FOXK2: variants seen among roughly 807,000 people sequenced by gnomAD.
FOXK2 encodes forkhead box K2, also known as forkhead box protein K2.
FOXK2 carries 24 observed loss-of-function variants against 53.3 expected under a neutral mutation model. The ratio of observed to expected loss-of-function variants is 0.45; its 90% CI spans 0.33 to 0.63. The LOEUF is 0.63. FOXK2 is among the 30% of genes least tolerant of loss of function. FOXK2 has a pLI of 0.03. For missense variants in FOXK2, 952 were observed against 910.5 expected, an observed-to-expected ratio of 1.05 and a Z score of -0.59; for synonymous variants, 505 against 407.1, an observed-to-expected ratio of 1.24 and a Z score of -2.89.
intron 1 of FOXK2, among the ~76,000 whole-genome samples, chr17:82,551,627 G>C (rs557948711): frequency 6.6e-6 from 1 of 152,282 alleles, no homozygotes; most frequent in African/African-American, 2.4e-5. Context: ...GTTGCAATGA[G>C]CTGAGATCAC....
chr17:82,577,537 C>G, intron 4 of FOXK2: 1 of 224,258 alleles, frequency 4.5e-6, no homozygotes, highest in Non-Finnish European at 8.8e-6. Flanking sequence ...CAGGCCCAGC[C>G]CTGGGTTAGG....
chr17:82,578,954 C>T lies in FOXK2; in HGVS notation c.910-3787C>T, dbSNP rs566401037. On this transcript the variant is annotated intron_variant, in intron 4 of 8. Coordinates refer to ENST00000335255, the MANE Select transcript of FOXK2 (RefSeq NM_004514.4). ...AACCTTCTTTCCTCCTAAGAGCATG[C>T]AAATTAAATGACTCCACATCAGTCA... Among the ~76,000 whole-genome samples, 6 of 152,278 alleles carry T rather than the reference C, an allele frequency of 3.9e-5. No homozygotes were observed. In the South Asian group the frequency reaches 1.0e-3, roughly 26 times the overall value.
intron 1 of FOXK2, among the ~76,000 whole-genome samples, chr17:82,540,295 A>G (rs1281028168): frequency 6.7e-6 from 1 of 148,894 alleles, no homozygotes. Flanking sequence ...AAAAAAAAAG[A>G]GTTACCTTTC....
intron 1 of FOXK2, among the ~76,000 whole-genome samples, chr17:82,525,792 T>C (rs1366636023): frequency 1.3e-5 from 2 of 152,222 alleles, no homozygotes; most frequent in African/African-American, 4.8e-5. Context: ...AAAACTCTGT[T>C]TATTTAGAAG....
intron 1 of FOXK2, among the ~76,000 whole-genome samples, chr17:82,533,097 C>T (rs559118612): frequency 6.6e-6 from 1 of 152,278 alleles, no homozygotes; most frequent in South Asian, 2.1e-4. Context: ...CCGGTGATAA[C>T]GGCTTCTTCT....
Position 82,586,143 on chromosome 17 carries a change from G to T in FOXK2, c.1519G>T (p.Val507Leu), listed in dbSNP as rs769451089. ...SGQAVVTPAA[V>L]LAPPKAEAQE... is the part of the protein sequence containing the mutation. ...ACAAGCTGTGGTCACCCCGGCAGCC[G>T]TGCTGGCCCCTCCTAAGGCAGAGGC... Residue 507 changes from valine to leucine, a missense_variant, in exon 7 of 9, where the codon GTG becomes TTG. By Grantham distance (32) the Val-to-Leu change is conservative (BLOSUM62 1). Transcript: ENST00000335255. 2.5e-6 allele frequency: 4 copies of T among 1,612,398 alleles called. No individual in the cohort carries two copies. The highest frequency in any genetic ancestry group is 3.4e-6 in the Non-Finnish European group (4 of 1,179,902).
intron 1 of FOXK2, among the ~76,000 whole-genome samples, chr17:82,547,677 A>G (rs1018888840): frequency 6.6e-6 from 1 of 152,164 alleles, no homozygotes; most frequent in Non-Finnish European, 1.5e-5. Context: ...TACCTTTCAA[A>G]GAGTTTTGAC....
Position 82,586,260 on chromosome 17 carries a change from G to T in FOXK2, c.1576+60G>T. Reference sequence around the variant, plus strand: ...CAGGGAGGTGAAAGGTGGGCCGGGGGGGGAAAGGAGGAGAGGGGAGACCAC... The same window carrying T: ...CAGGGAGGTGAAAGGTGGGCCGGGGTGGGAAAGGAGGAGAGGGGAGACCAC... On this transcript the variant is annotated intron_variant, in intron 7 of 8. Transcript: ENST00000335255. 4 of 545,936 alleles carry T rather than the reference G, an allele frequency of 7.3e-6. 1 individual carries two copies. Among genetic ancestry groups the T allele is most frequent in the Non-Finnish European group, 1.3e-5 (4 of 314,192 alleles). The allele number at this position is 545,936 out of a possible 1,614,324, so 33.8% of individuals were successfully genotyped here.
intron 1 of FOXK2, chr17:82,559,525 C>T (rs969814835): frequency 3.9e-5 from 18 of 455,916 alleles, no homozygotes; most frequent in East Asian, 6.9e-5. Flanking sequence ...CCACGTGGGA[C>T]GGGCTGCTCA....
chr17:82,568,112 G>A lies in FOXK2; in HGVS notation c.673G>A (p.Gly225Ser). ...RGAGSSGYKV[G>S]RVMPSDLNLM... is the part of the protein sequence containing the mutation. Reference sequence around the variant, plus strand: ...AGCGGGGTCTTCAGGGTACAAGGTGGGCCGAGTGATGCCATCTGACCTCAA... The same window carrying A: ...AGCGGGGTCTTCAGGGTACAAGGTGAGCCGAGTGATGCCATCTGACCTCAA... The change falls in exon 3 of 9, where the codon GGC becomes AGC. Residue 225 changes from glycine (G) to serine (S), a missense_variant. Gly to Ser is a moderately conservative substitution (Grantham distance 56). Transcript: ENST00000335255. 2 of 1,613,976 alleles carry A rather than the reference G, an allele frequency of 1.2e-6. No individual in the cohort carries two copies. Among genetic ancestry groups the A allele is most frequent in the Non-Finnish European group, 1.7e-6 (2 of 1,179,998 alleles).
intron 1 of FOXK2, among the ~76,000 whole-genome samples, chr17:82,533,204 G>A (rs1435581263): frequency 6.6e-6 from 1 of 152,146 alleles, no homozygotes; most frequent in African/African-American, 2.4e-5. Flanking sequence ...AAAATGTATA[G>A]TGCTGCCGGG....
chr17:82,531,971 G>A (rs2044476050), intron 1 of FOXK2, among the ~76,000 whole-genome samples: 1 of 152,066 alleles, frequency 6.6e-6, no homozygotes, highest in Non-Finnish European at 1.5e-5. Flanking sequence ...TTCCCGAGTA[G>A]CTGGGATTAC....
chr17:82,573,589 C>CACACACAT (rs2044948007), intron 4 of FOXK2, among the ~76,000 whole-genome samples: 1 of 148,504 alleles, frequency 6.7e-6, no homozygotes, highest in Non-Finnish European at 1.5e-5. Context: ...CACACACACA[C>CACACACAT]ACACACACAC....
chr17:82,527,286 A>G (rs1463344958), intron 1 of FOXK2, among the ~76,000 whole-genome samples: 2 of 152,018 alleles, frequency 1.3e-5, no homozygotes, highest in African/African-American at 4.8e-5. Flanking sequence ...GATTACAGGC[A>G]TGCACCACCA....
chr17:82,576,441 T>C (rs2044987259), intron 4 of FOXK2, among the ~76,000 whole-genome samples: 1 of 152,098 alleles, frequency 6.6e-6, no homozygotes, highest in African/African-American at 2.4e-5. Flanking sequence ...TCAGGAGAAA[T>C]AGGTCTAGGA....
chr17:82,552,282 G>A (rs1296046035), intron 1 of FOXK2, among the ~76,000 whole-genome samples: 2 of 152,160 alleles, frequency 1.3e-5, no homozygotes, highest in African/African-American at 2.4e-5. Flanking sequence ...TTCCCACTCC[G>A]TTAGTGTTTC....
intron 1 of FOXK2, among the ~76,000 whole-genome samples, chr17:82,525,137 G>T (rs1049302221): frequency 6.6e-6 from 1 of 151,628 alleles, no homozygotes; most frequent in Non-Finnish European, 1.5e-5. Flanking sequence ...CACCATGCCC[G>T]GCTAATTTTT....
In FOXK2 at chr17:82,583,043, A is replaced by G. The variant is rs2045083016; in HGVS notation, c.1103+109A>G. The G allele has an allele frequency of 9.0e-6, 7 of 779,488 alleles. No individual in the cohort carries two copies. In the East Asian group the frequency reaches 2.2e-4, roughly 25 times the overall value. 48.3% of individuals were successfully genotyped at this position (779,488 alleles called of 1,614,324 possible). ...TGAAGGAACTACTAAATGCATTATG[A>G]TTAAATGTTGGGATGGGGATTTGAG... On this transcript the variant is annotated intron_variant, in intron 5 of 8. Coordinates refer to ENST00000335255, the MANE Select transcript of FOXK2 (RefSeq NM_004514.4).
chr17:82,587,983 G>A (rs2045210237), intron 8 of FOXK2, among the ~76,000 whole-genome samples: 1 of 152,142 alleles, frequency 6.6e-6, no homozygotes, highest in African/African-American at 2.4e-5. Context: ...CTGTCTCTGT[G>A]CCCACGACAC....
Sources: gnomAD v4.1 joint callset for allele counts (sites outside exome capture counted in the v4.1 genomes callset) on GRCh38, gnomAD v4.1.1 for gene constraint, MANE v1.5 for transcripts, NCBI Gene and HGNC (gene_info 2026-07-23, HGNC 2026-07-21) for gene names.